Variants in LDLRAD4 observed in about 807,000 individuals in gnomAD.
LDLRAD4 encodes the protein low-density lipoprotein receptor class A domain-containing protein 4.
LDLRAD4 carries 5 observed loss-of-function variants against 17.0 expected under a neutral mutation model. The observed-to-expected ratio is 0.29, with a 90% CI of 0.15 to 0.62. LDLRAD4 has a LOEUF of 0.62. Ranked by LOEUF, LDLRAD4 falls within the 20% of genes least tolerant of loss-of-function variation. The probability of loss-of-function intolerance (pLI) is 0.84; values close to 1 mark genes in which losing one functional copy is unlikely to be tolerated. For missense variants in LDLRAD4, 340 were observed against 424.7 expected (o/e 0.80, Z 1.75); for synonymous variants, 168 against 171.8 (o/e 0.98, Z 0.17).
intron 1 of LDLRAD4, among the ~76,000 whole-genome samples, chr18:13,364,401 G>A (rs2083907379): frequency 6.6e-6 from 1 of 152,060 alleles, no homozygotes; most frequent in Non-Finnish European, 1.5e-5. Flanking sequence ...GCGGTGGTGT[G>A]GTCATAGCTC....
At chr18:13,558,324 AG>A (rs1258878526) in intron 3 of LDLRAD4, among the ~76,000 whole-genome samples, 6 of 152,160 alleles carry the variant, frequency 3.9e-5, no homozygotes. Context: ...CCCAGGCCAC[AG>A]GGGCATGCAG....
intron 1 of LDLRAD4, among the ~76,000 whole-genome samples, chr18:13,238,265 G>A (rs1375426230): frequency 6.6e-6 from 1 of 152,188 alleles, no homozygotes; most frequent in Non-Finnish European, 1.5e-5. Context: ...ATGACTGGTC[G>A]TGGTTTATTG....
In LDLRAD4 at chr18:13,621,530, G is replaced by T. The variant is rs1316604913; in HGVS notation, c.336+259G>T. 6.6e-6 allele frequency among the ~76,000 whole-genome samples: 1 copy of T among 152,196 alleles called. No individual in the cohort carries two copies. The highest frequency in any genetic ancestry group is 1.5e-5 in the Non-Finnish European group (1 of 68,040). On this transcript the variant is annotated intron_variant, in intron 4 of 5. Coordinates refer to ENST00000359446, the Ensembl canonical transcript of LDLRAD4. The surrounding 1 kb of genome is among the most constrained non-coding windows in gnomAD (Gnocchi z 5.5). Reference sequence around the variant, plus strand: ...GGTCTCCCCTGGATCTTTGCTGCCCGACGTGGCTTTGCCAGCTTCTGAGCT... The same window carrying T: ...GGTCTCCCCTGGATCTTTGCTGCCCTACGTGGCTTTGCCAGCTTCTGAGCT...
intron 1 of LDLRAD4, among the ~76,000 whole-genome samples, chr18:13,340,140 A>G (rs1028504040): frequency 5.9e-5 from 9 of 152,182 alleles, no homozygotes; most frequent in Admixed American, 4.6e-4. Flanking sequence ...CTGTATGTAT[A>G]TGCCACATTT....
chr18:13,558,370 T>C (rs1436087319), intron 3 of LDLRAD4, among the ~76,000 whole-genome samples: 2 of 152,212 alleles, frequency 1.3e-5, no homozygotes, highest in Non-Finnish European at 2.9e-5. Flanking sequence ...CCCCTATTCG[T>C]ACCCGACTTC....
intron 3 of LDLRAD4, chr18:13,564,878 G>A (rs1785142): frequency 0.46 from 70,434 of 152,148 alleles, 18,376 homozygotes; most frequent in South Asian, 0.71. Flanking sequence ...TCTGAAGAAC[G>A]AGTGCTTTCT....
intron 3 of LDLRAD4, among the ~76,000 whole-genome samples, chr18:13,591,684 T>C (rs2095031822): frequency 6.6e-6 from 1 of 152,178 alleles, no homozygotes; most frequent in Non-Finnish European, 1.5e-5. Context: ...ATACCGCAGA[T>C]TGGATGCAAT....
At chr18:13,423,875 G>A (rs932130695) in intron 2 of LDLRAD4, among the ~76,000 whole-genome samples, 1 of 152,014 alleles carries the variant, frequency 6.6e-6, no homozygotes, top group South Asian at 2.1e-4. Flanking sequence ...TGGCTCATGC[G>A]TGTAATCCCA....
chr18:13,313,226 G>A (rs1450533671), intron 1 of LDLRAD4, among the ~76,000 whole-genome samples: 1 of 152,220 alleles, frequency 6.6e-6, no homozygotes, highest in African/African-American at 2.4e-5. Context: ...CTTATTTGCA[G>A]AGTCCTATTT....
chr18:13,593,452 T>G (rs1373667940), intron 3 of LDLRAD4, among the ~76,000 whole-genome samples: 1 of 152,228 alleles, frequency 6.6e-6, no homozygotes, highest in Non-Finnish European at 1.5e-5. Flanking sequence ...CAGAGGAGAC[T>G]CTGAAGAGAA....
intron 3 of LDLRAD4, chr18:13,471,929 GAC>G (rs1235684418): frequency 1.1e-4 from 17 of 152,362 alleles, no homozygotes; most frequent in African/African-American, 4.1e-4. Flanking sequence ...TCCCAGAGAA[GAC>G]ACAATCTTAT....
At chr18:13,588,404 C>T (rs1023295499) in intron 3 of LDLRAD4, among the ~76,000 whole-genome samples, 1 of 152,126 alleles carries the variant, frequency 6.6e-6, no homozygotes, top group African/African-American at 2.4e-5. Context: ...GGAAATGAAT[C>T]TATTGATTTC....
Position 13,566,775 on chromosome 18 carries a change from C to T in LDLRAD4, c.182-54342C>T, listed in dbSNP as rs543109131. ...ATCCTTGACACATGGGTTCTCCCCA[C>T]AGTCCCCCAAAAAGAGAGGATTTAA... On this transcript the variant is annotated intron_variant, in intron 3 of 5. Coordinates refer to ENST00000359446, the Ensembl canonical transcript of LDLRAD4. Among the ~76,000 whole-genome samples the T allele has an allele frequency of 1.7e-4, 26 of 152,328 alleles. No individual in the cohort carries two copies. The East Asian group carries it at 5.0e-3, about 29-fold the overall frequency.
At chr18:13,578,534 T>C (rs2148418087) in intron 3 of LDLRAD4, among the ~76,000 whole-genome samples, 1 of 152,220 alleles carries the variant, frequency 6.6e-6, no homozygotes, top group Middle Eastern at 3.4e-3. Context: ...GAGAATAAGC[T>C]AGAGGACAGG....
intron 4 of LDLRAD4, chr18:13,641,936 G>T: frequency 1.0e-6 from 1 of 985,470 alleles, no homozygotes; most frequent in Non-Finnish European, 1.2e-6. Flanking sequence ...GGCTGACTGG[G>T]CTCCCGGAGC....
intron 3 of LDLRAD4, among the ~76,000 whole-genome samples, chr18:13,577,611 G>A (rs1244044017): frequency 2.6e-5 from 4 of 152,132 alleles, no homozygotes; most frequent in Admixed American, 6.5e-5. Context: ...TGATAGTGAG[G>A]GGAAACGCAA....
At chr18:13,471,491 A>G (rs988883803) in intron 3 of LDLRAD4, 1 of 152,344 alleles carries the variant, frequency 6.6e-6, no homozygotes, top group African/African-American at 2.4e-5. Flanking sequence ...CAACTCTTGT[A>G]CATCCGGTCA....
intron 3 of LDLRAD4, among the ~76,000 whole-genome samples, chr18:13,600,608 G>A (rs2095150021): frequency 6.6e-6 from 1 of 152,224 alleles, no homozygotes; most frequent in African/African-American, 2.4e-5. Context: ...GTCTGTTTGA[G>A]CTAAAAATCA....
chr18:13,541,097 C>T (rs1394958347), intron 3 of LDLRAD4, among the ~76,000 whole-genome samples: 1 of 152,168 alleles, frequency 6.6e-6, no homozygotes, highest in Non-Finnish European at 1.5e-5. Flanking sequence ...CCACACACAC[C>T]TCCAAAGCCA....
Sources: gnomAD v4.1 joint callset for allele counts (sites outside exome capture counted in the v4.1 genomes callset) on GRCh38, gnomAD v4.1.1 for gene constraint, Gnocchi (gnomAD v3.1) non-coding constraint, MANE v1.5 for transcripts, NCBI Gene and HGNC (gene_info 2026-07-23, HGNC 2026-07-21) for gene names.